Variants in EYA1 observed in about 807,000 individuals in gnomAD.
The protein encoded by EYA1 is EYA transcriptional coactivator and phosphatase 1.
EYA1 carries 16 observed loss-of-function variants against 82.0 expected under a neutral mutation model. That is an observed-to-expected ratio of 0.20 (90% CI 0.13 to 0.30). The LOEUF (loss-of-function observed/expected upper bound fraction) is 0.30, where lower values mean the gene tolerates loss of function less well. Among genes scored for constraint, EYA1 ranks in the 10% least tolerant of loss-of-function variants. The probability of loss-of-function intolerance (pLI) is 1.00; values close to 1 mark genes in which losing one functional copy is unlikely to be tolerated. For missense variants in EYA1, 633 were observed against 730.7 expected, an observed-to-expected ratio of 0.87 and a Z score of 1.54; for synonymous variants, 261 against 264.4, an observed-to-expected ratio of 0.99 and a Z score of 0.12.
At chr8:71,415,591 G>A (rs1171231633) in intron 2 of EYA1, among the ~76,000 whole-genome samples, 1 of 152,184 alleles carries the variant, frequency 6.6e-6, no homozygotes, top group East Asian at 1.9e-4. Context: ...ATGTTAGTCT[G>A]GGAATCATCC....
At chr8:71,493,643 C>T (rs1811180351) in intron 2 of EYA1, among the ~76,000 whole-genome samples, 1 of 152,098 alleles carries the variant, frequency 6.6e-6, no homozygotes, top group Admixed American at 6.5e-5. Context: ...TTACTTTGAA[C>T]ATTTTAAATA....
At chr8:71,343,218 C>T (rs1204499555) in intron 3 of EYA1, among the ~76,000 whole-genome samples, 1 of 152,124 alleles carries the variant, frequency 6.6e-6, no homozygotes, top group Non-Finnish European at 1.5e-5. Flanking sequence ...GCCATTTCAG[C>T]AGCTGGGCTT....
intron 16 of EYA1, 126 bp downstream of exon 16, chr8:71,215,256 GTTAAA>G: frequency 1.1e-6 from 1 of 898,490 alleles, no homozygotes; most frequent in Non-Finnish European, 1.7e-6. Flanking sequence ...TTGCAAATTG[GTTAAA>G]TTATTCTTGT....
intron 1 of EYA1, among the ~76,000 whole-genome samples, chr8:71,545,897 C>T (rs1815526740): frequency 6.6e-6 from 1 of 152,146 alleles, no homozygotes; most frequent in Non-Finnish European, 1.5e-5. Flanking sequence ...TCTCTGCTTT[C>T]TCTGCAAGGC....
chr8:71,443,020 G>C (rs776651793), intron 2 of EYA1, among the ~76,000 whole-genome samples: 5 of 152,000 alleles, frequency 3.3e-5, no homozygotes, highest in Non-Finnish European at 7.4e-5. Context: ...CAACAAACTG[G>C]CTATCAACAA....
intron 12 of EYA1, among the ~76,000 whole-genome samples, chr8:71,243,099 G>A (rs185288722): frequency 1.2e-4 from 18 of 151,966 alleles, no homozygotes; most frequent in Non-Finnish European, 2.5e-4. Context: ...TTTTTAAGAA[G>A]GTACAGAGTT....
At chr8:71,307,058 A>G (rs1820809547) in intron 7 of EYA1, among the ~76,000 whole-genome samples, 2 of 152,102 alleles carry the variant, frequency 1.3e-5, no homozygotes, top group Admixed American at 1.3e-4. Flanking sequence ...GATTGTCATA[A>G]AGTATTAGGT....
intron 2 of EYA1, among the ~76,000 whole-genome samples, chr8:71,428,766 T>C (rs1345683959): frequency 6.6e-6 from 1 of 152,214 alleles, no homozygotes; most frequent in African/African-American, 2.4e-5. Flanking sequence ...TTAATACTAT[T>C]GCAAGTTCAG....
rs535739955 is a variant in EYA1, at chr8:71,474,661, T to G, written c.33+61083A>C. On this transcript the variant is annotated intron_variant, in intron 2 of 18. Transcript: ENST00000643681. Reference sequence around the variant, plus strand: ...ATACTCTAGAATATATAAAATAATTTTTATAGCCAAAGAAATGGCAAGGGT... The same window carrying G: ...ATACTCTAGAATATATAAAATAATTGTTATAGCCAAAGAAATGGCAAGGGT... 2.0e-5 allele frequency among the ~76,000 whole-genome samples: 3 copies of G among 152,316 alleles called. No homozygotes were observed. The South Asian group carries it at 6.2e-4, about 32-fold the overall frequency.
At chr8:71,236,160 C>T (rs575000502) in intron 12 of EYA1, among the ~76,000 whole-genome samples, 4 of 152,162 alleles carry the variant, frequency 2.6e-5, no homozygotes, top group East Asian at 1.9e-4. Flanking sequence ...CTCAGCATCC[C>T]GAGTAGCTGG....
Position 71,322,229 on chromosome 8 carries a change from T to C in EYA1, c.242A>G (p.Gln81Arg), listed in dbSNP as rs1822649069. ...AGGGTAAATCTGTGGTGGAGAGAAC[T>C]GGTGAGTTGGTCGTGGGCTGAAACT... ...SSSFSPRPTH[Q>R]FSPPQIYPSN... Residue 81 changes from glutamine to arginine, a missense_variant, in exon 5 of 18, where the codon CAG (glutamine) becomes CGG (arginine). Transcript: ENST00000340726. 3 of 1,614,070 alleles carry C rather than the reference T, an allele frequency of 1.9e-6. No individual in the cohort carries two copies. The South Asian group carries it at 3.3e-5, about 18-fold the overall frequency.
At chr8:71,328,126 A>G (rs571262393) in intron 4 of EYA1, among the ~76,000 whole-genome samples, 18 of 152,052 alleles carry the variant, frequency 1.2e-4, no homozygotes, top group Non-Finnish European at 2.6e-4. Context: ...AAGTACTGGG[A>G]TTACACGTGT....
At chr8:71,366,502 A>G (rs1337623403), upstream of EYA1, among the ~76,000 whole-genome samples, 1 of 152,188 alleles carries the variant, frequency 6.6e-6, no homozygotes, top group African/African-American at 2.4e-5. Flanking sequence ...CCTCTAAGCC[A>G]TGGGCAAAAC....
chr8:71,525,632 C>T (rs565298640), intron 2 of EYA1, among the ~76,000 whole-genome samples: 3 of 151,902 alleles, frequency 2.0e-5, no homozygotes, highest in Non-Finnish European at 4.4e-5. Flanking sequence ...TTAACCTCAC[C>T]CTCAAATTAT....
chr8:71,532,978 A>C (rs894893434), intron 2 of EYA1, among the ~76,000 whole-genome samples: 1 of 152,252 alleles, frequency 6.6e-6, no homozygotes. Context: ...GTGCAACATC[A>C]CTGATGACTC....
intron 2 of EYA1, among the ~76,000 whole-genome samples, chr8:71,421,126 A>G (rs985286258): frequency 4.6e-5 from 7 of 152,168 alleles, no homozygotes; most frequent in African/African-American, 1.7e-4. Flanking sequence ...TGAGCCTAGG[A>G]AAAACCTTGT....
intron 2 of EYA1, among the ~76,000 whole-genome samples, chr8:71,528,693 C>T (rs907829449): frequency 3.3e-5 from 5 of 152,150 alleles, no homozygotes; most frequent in Non-Finnish European, 4.4e-5. Flanking sequence ...AATTAAATAA[C>T]GACTAGTGAG....
At chr8:71,369,526 A>G (rs924313244) in intron 2 of EYA1, among the ~76,000 whole-genome samples, 3 of 152,236 alleles carry the variant, frequency 2.0e-5, no homozygotes, top group Non-Finnish European at 4.4e-5. Flanking sequence ...AGTGGTACAC[A>G]CCTTACCAAA....
chr8:71,365,065 T>TGA (rs1258767515), upstream of EYA1, among the ~76,000 whole-genome samples: 1 of 148,814 alleles, frequency 6.7e-6, no homozygotes, highest in African/African-American at 2.5e-5. Context: ...TATATATATG[T>TGA]GAGAGAGAGA....
Sources: gnomAD v4.1 joint callset for allele counts (sites outside exome capture counted in the v4.1 genomes callset) on GRCh38, gnomAD v4.1.1 for gene constraint, MANE v1.5 for transcripts, NCBI Gene and HGNC (gene_info 2026-07-23, HGNC 2026-07-21) for gene names.